GSK3B: variants seen among roughly 807,000 people sequenced by gnomAD.
The protein encoded by GSK3B is glycogen synthase kinase-3 beta.
Under a neutral mutation model 56.4 loss-of-function variants are expected in GSK3B, and 15 were observed. The observed-to-expected ratio is 0.27, with a 90% CI of 0.18 to 0.41. The LOEUF (loss-of-function observed/expected upper bound fraction) is 0.41, where lower values mean the gene tolerates loss of function less well. Ranked by LOEUF, GSK3B falls within the 10% of genes least tolerant of loss-of-function variation. The probability of loss-of-function intolerance (pLI) is 1.00; values close to 1 mark genes in which losing one functional copy is unlikely to be tolerated. For missense variants in GSK3B, 300 were observed against 513.4 expected (o/e 0.58, Z 4.02); for synonymous variants, 181 against 188.9 (o/e 0.96, Z 0.34).
intron 3 of GSK3B, among the ~76,000 whole-genome samples, chr3:119,936,085 A>C (rs1399504206): frequency 6.6e-6 from 1 of 151,982 alleles, no homozygotes; most frequent in Non-Finnish European, 1.5e-5. Context: ...TCCTCAACTG[A>C]TAACACTATA....
intron 9 of GSK3B, among the ~76,000 whole-genome samples, chr3:119,853,997 C>T (rs534557910): frequency 2.0e-4 from 31 of 152,250 alleles, no homozygotes; most frequent in Non-Finnish European, 3.2e-4. Context: ...TGTCTTGTGC[C>T]AGTTTTCAAA....
At chr3:119,955,009 C>T (rs1285347129) in intron 2 of GSK3B, among the ~76,000 whole-genome samples, 2 of 151,844 alleles carry the variant, frequency 1.3e-5, no homozygotes, top group Non-Finnish European at 2.9e-5. Flanking sequence ...GAGATCTTCC[C>T]CCATGATAGA....
chr3:119,925,605 C>CA lies in GSK3B; in HGVS notation c.367-2123dup, dbSNP rs1207239532. On this transcript the variant is annotated intron_variant, in intron 3 of 10. Coordinates refer to ENST00000264235, the MANE Select transcript of GSK3B (RefSeq NM_001146156.2). ...GCAAAAACAAAAATGGTCCTGTACT[C>CA]AAGGTCATTGCTCCAGAATTTTTTT... is the stretch of plus-strand genomic sequence containing the variant. Among the ~76,000 whole-genome samples, 5 of 152,102 alleles carry CA rather than the reference C, an allele frequency of 3.3e-5. No individual in the cohort carries two copies. In the East Asian group the frequency reaches 9.6e-4, roughly 29 times the overall value.
chr3:120,046,809 C>G (rs1456153315), intron 1 of GSK3B, among the ~76,000 whole-genome samples: 1 of 152,266 alleles, frequency 6.6e-6, no homozygotes, highest in South Asian at 2.1e-4. Flanking sequence ...CAGGGTTTCA[C>G]CTTGTTGGCC....
chr3:119,883,824 A>C (rs974122704), intron 7 of GSK3B, among the ~76,000 whole-genome samples: 5 of 152,168 alleles, frequency 3.3e-5, no homozygotes, highest in Non-Finnish European at 5.9e-5. Flanking sequence ...ATGTGGCTGG[A>C]AGGTAAACAA....
intron 1 of GSK3B, among the ~76,000 whole-genome samples, chr3:120,092,627 G>C (rs1227678814): frequency 6.6e-6 from 1 of 152,182 alleles, no homozygotes; most frequent in Non-Finnish European, 1.5e-5. Context: ...TACGGTGGCA[G>C]GTTGGTAATG....
Position 120,076,677 on chromosome 3 carries a change from G to T in GSK3B, c.88+16670C>A, listed in dbSNP as rs1183260437. ...AAAAATACAAAAATTAGCCGGGCAT[G>T]GTGGCGCACGCCTGTAGTCCCAGCT... On this transcript the variant is annotated intron_variant, in intron 1 of 10. Coordinates refer to ENST00000264235, the MANE Select transcript of GSK3B (RefSeq NM_001146156.2). 7.9e-5 allele frequency among the ~76,000 whole-genome samples: 12 copies of T among 151,558 alleles called. 1 individual carries two copies. The highest frequency in any genetic ancestry group is 7.9e-4 in the Admixed American group (12 of 15,204).
intron 1 of GSK3B, among the ~76,000 whole-genome samples, chr3:120,085,973 T>C (rs932212692): frequency 2.6e-5 from 4 of 152,164 alleles, no homozygotes; most frequent in Admixed American, 2.0e-4. Flanking sequence ...AAAGAAAAAC[T>C]ACTTTGCCAC....
At position 119,826,038 on chromosome 3, in the gene GSK3B, G is replaced by A. The variant is rs969264980; in HGVS notation, c.*750C>T. On this transcript the variant is annotated 3_prime_UTR_variant, in exon 11 of 11. Transcript: ENST00000264235. Reference sequence around the variant, plus strand: ...TCAGGCAAACAAAGAGCCACCTGTAGAGCATGTGTGCCTGAGTCTTGCTTG... The same window carrying A: ...TCAGGCAAACAAAGAGCCACCTGTAAAGCATGTGTGCCTGAGTCTTGCTTG... 1 of 221,390 alleles carries A rather than the reference G, an allele frequency of 4.5e-6. No individual in the cohort carries two copies. The highest frequency in any genetic ancestry group is 2.2e-5 in the African/African-American group (1 of 44,652). 13.7% of individuals were successfully genotyped at this position (221,390 alleles called of 1,614,324 possible). A position where few individuals can be genotyped will look rare whatever the true frequency, so the allele number is the denominator to read the frequency against.
chr3:119,954,394 T>C (rs2057191910), intron 2 of GSK3B, among the ~76,000 whole-genome samples: 1 of 145,766 alleles, frequency 6.9e-6, no homozygotes, highest in Admixed American at 6.7e-5. Context: ...TCACTTTACA[T>C]ACAGTAAGGG....
chr3:119,923,356 G>A lies in GSK3B; in HGVS notation c.477+17C>T. The A allele has an allele frequency of 7.6e-7, 1 of 1,312,130 alleles. No individual in the cohort carries two copies. The allele number at this position is 1,312,130 out of a possible 1,614,324, so 81.3% of individuals were successfully genotyped here. A position where few individuals can be genotyped will look rare whatever the true frequency, so the allele number is the denominator to read the frequency against. On this transcript the variant is annotated intron_variant, in intron 4 of 10. Coordinates refer to ENST00000264235, the MANE Select transcript of GSK3B (RefSeq NM_001146156.2). ...AAAATGTTTTCTAAAATGGAAAATT[G>A]TTATGTTTTTACATACCTTGACATA...
rs193067364 is a variant in GSK3B at position 119,865,721 on chromosome 3, G to A, written c.910-2116C>T. On this transcript the variant is annotated intron_variant, in intron 8 of 10. Coordinates refer to ENST00000264235, the MANE Select transcript of GSK3B (RefSeq NM_001146156.2). ...CCTGACCTCATGATCCGCCCGCCTCGGCCTCCCAAAGTGCTGGGATTACAG... is the reference window on the plus strand; with the variant it reads ...CCTGACCTCATGATCCGCCCGCCTCAGCCTCCCAAAGTGCTGGGATTACAG... Among the ~76,000 whole-genome samples the A allele has an allele frequency of 2.6e-3, 391 of 151,478 alleles. 2 individuals are homozygous for A. The highest frequency in any genetic ancestry group is 8.3e-3 in the African/African-American group (341 of 41,312).
intron 3 of GSK3B, among the ~76,000 whole-genome samples, chr3:119,932,504 G>GT (rs199622255): frequency 0.11 from 15,676 of 139,350 alleles, 900 homozygotes; most frequent in Non-Finnish European, 0.13. Context: ...TTACCAAAGG[G>GT]TTTTTTTTTT....
chr3:119,974,196 G>A (rs1036823704), intron 2 of GSK3B, among the ~76,000 whole-genome samples: 5 of 152,254 alleles, frequency 3.3e-5, no homozygotes, highest in South Asian at 2.1e-4. Flanking sequence ...TGCAAAATAC[G>A]TATCTGATAA....
Position 119,912,811 on chromosome 3 carries a change from C to A in GSK3B, c.609-1G>T. On this transcript the variant is annotated splice_acceptor_variant, in intron 5 of 10. Transcript: ENST00000264235. LOFTEE classifies it high-confidence loss of function. ...TTCTCCTCGGACCAGCTGCTTTGCA[C>A]TAACAGAAAAAAAATAAAAATAAAA... The A allele has an allele frequency of 6.7e-7, 1 of 1,502,834 alleles. No homozygotes were observed. Among genetic ancestry groups the A allele is most frequent in the Non-Finnish European group, 9.2e-7 (1 of 1,089,990 alleles). 93.1% of individuals were successfully genotyped at this position (1,502,834 alleles called of 1,614,324 possible).
chr3:119,855,220 A>G (rs529350406), intron 9 of GSK3B, among the ~76,000 whole-genome samples: 36 of 152,208 alleles, frequency 2.4e-4, no homozygotes, highest in African/African-American at 8.0e-4. Context: ...CAACAGACAC[A>G]TGAAAAAATG....
chr3:120,023,736 G>A (rs2057899290), intron 1 of GSK3B, among the ~76,000 whole-genome samples: 1 of 152,110 alleles, frequency 6.6e-6, no homozygotes, highest in African/African-American at 2.4e-5. Context: ...TAAGGGAGAA[G>A]AGAACAGTGT....
At chr3:119,832,437 T>C (rs770138616) in intron 10 of GSK3B, among the ~76,000 whole-genome samples, 18 of 152,264 alleles carry the variant, frequency 1.2e-4, no homozygotes, top group Admixed American at 5.2e-4. Context: ...AGATAATGTT[T>C]ACTCTTGTTT....
At chr3:120,004,443 G>C (rs532302139) in intron 1 of GSK3B, among the ~76,000 whole-genome samples, 1 of 152,166 alleles carries the variant, frequency 6.6e-6, no homozygotes, top group Non-Finnish European at 1.5e-5. Flanking sequence ...TTCAGCTCCC[G>C]ATAAGGGACA....
Sources: allele counts gnomAD v4.1 joint callset (sites outside exome capture counted in the v4.1 genomes callset), GRCh38; gene constraint gnomAD v4.1.1; transcripts MANE v1.5; gene names NCBI Gene and HGNC (gene_info 2026-07-23, HGNC 2026-07-21).